The following EML6 variants were observed in gnomAD, a reference collection of about 807,000 sequenced individuals.
EML6 encodes echinoderm microtubule-associated protein-like 6.
Under a neutral mutation model 240.1 loss-of-function variants are expected in EML6, and 154 were observed. That is an observed-to-expected ratio of 0.64 (90% CI 0.56 to 0.73). The LOEUF (loss-of-function observed/expected upper bound fraction) is 0.73. EML6 is among the 30% of genes least tolerant of loss of function. The pLI is 0.00. For synonymous variants in EML6, 1,148 were observed against 899.0 expected, an observed-to-expected ratio of 1.28 and a Z score of -4.95; for missense variants, 2,964 against 2,474.6, an observed-to-expected ratio of 1.20 and a Z score of -4.20.
intron 29 of EML6, among the ~76,000 whole-genome samples, chr2:54,949,445 G>A (rs570384919): frequency 2.0e-5 from 3 of 152,278 alleles, no homozygotes; most frequent in East Asian, 3.9e-4. Context: ...CGACGAGGAC[G>A]CTGTGGCTGA....
intron 2 of EML6, among the ~76,000 whole-genome samples, chr2:54,785,229 G>A (rs922841146): frequency 6.9e-6 from 1 of 144,442 alleles, no homozygotes; most frequent in Admixed American, 7.1e-5. Flanking sequence ...AGACTGGAGT[G>A]CAGTGGCGCA....
intron 2 of EML6, among the ~76,000 whole-genome samples, chr2:54,726,907 A>C (rs1479331542): frequency 6.6e-6 from 1 of 152,174 alleles, no homozygotes; most frequent in African/African-American, 2.4e-5. Flanking sequence ...TCTGTGGTTA[A>C]ATAATATTAA....
chr2:54,805,751 A>G (rs959498781), intron 2 of EML6, among the ~76,000 whole-genome samples: 1 of 152,106 alleles, frequency 6.6e-6, no homozygotes, highest in Admixed American at 6.5e-5. Context: ...TATCTTTCAG[A>G]GGTCACAAAG....
intron 2 of EML6, among the ~76,000 whole-genome samples, chr2:54,745,848 A>G (rs1176827286): frequency 2.0e-5 from 3 of 152,192 alleles, no homozygotes; most frequent in East Asian, 1.9e-4. Context: ...AGGAGAGGAG[A>G]AGAAGCATGA....
rs577473988 is a variant in EML6 at position 54,815,647 on chromosome 2, G to T, written c.358-1140G>T. 1.6e-3 allele frequency among the ~76,000 whole-genome samples: 249 copies of T among 152,156 alleles called. 1 individual carries two copies. Among genetic ancestry groups the T allele is most frequent in the Non-Finnish European group, 3.1e-3 (208 of 68,002 alleles). Reference sequence around the variant, plus strand: ...CTTGTTTCCATTGCTGAAACCCTCAGTTAAAAAATTATAGCAAAGAAATTT... The same window carrying T: ...CTTGTTTCCATTGCTGAAACCCTCATTTAAAAAATTATAGCAAAGAAATTT... On this transcript the variant is annotated intron_variant, in intron 3 of 41. Transcript: ENST00000356458.
intron 38 of EML6, among the ~76,000 whole-genome samples, chr2:54,965,883 C>T (rs1676726671): frequency 6.6e-6 from 1 of 152,228 alleles, no homozygotes; most frequent in Non-Finnish European, 1.5e-5. Flanking sequence ...ATCTGGTCCC[C>T]AGGCAAGAAG....
At chr2:54,843,318 C>G (rs992861065) in intron 7 of EML6, among the ~76,000 whole-genome samples, 3 of 152,078 alleles carry the variant, frequency 2.0e-5, no homozygotes, top group Non-Finnish European at 2.9e-5. Context: ...GTCCCAGTTA[C>G]TTGGGAGGGT....
At chr2:54,835,868 G>A (rs1339249663) in intron 7 of EML6, among the ~76,000 whole-genome samples, 1 of 152,156 alleles carries the variant, frequency 6.6e-6, no homozygotes, top group African/African-American at 2.4e-5. Context: ...CCCAAATGTT[G>A]ATAGTGTTGT....
chr2:54,944,658 C>A (rs1558712357), intron 28 of EML6, among the ~76,000 whole-genome samples: 2 of 152,118 alleles, frequency 1.3e-5, no homozygotes, highest in Non-Finnish European at 2.9e-5. Flanking sequence ...CAAAAAGACA[C>A]AAAGCTGTGT....
At chr2:54,881,548 A>C (rs1036116831) in intron 17 of EML6, 1 of 151,038 alleles carries the variant, frequency 6.6e-6, no homozygotes. Context: ...CTAGCTACTC[A>C]GGAGGCAGGA....
intron 2 of EML6, among the ~76,000 whole-genome samples, chr2:54,736,476 C>T (rs950375082): frequency 3.9e-5 from 6 of 152,184 alleles, no homozygotes; most frequent in Middle Eastern, 3.2e-3. Context: ...TTATAAATCC[C>T]TAAGATCCTT....
intron 36 of EML6, 143 bp from the exon 37 acceptor site, chr2:54,963,843 A>T: frequency 4.3e-6 from 3 of 696,046 alleles, no homozygotes; most frequent in Middle Eastern, 4.1e-4. Flanking sequence ...TTATTCAGGG[A>T]CATTTACTCT....
intron 7 of EML6, among the ~76,000 whole-genome samples, chr2:54,840,322 A>G (rs951783915): frequency 2.0e-5 from 3 of 152,262 alleles, no homozygotes; most frequent in Non-Finnish European, 4.4e-5. Flanking sequence ...TAAAAGGACT[A>G]TGATCTGAAT....
At chr2:54,922,835 C>T (rs1674331133) in intron 26 of EML6, among the ~76,000 whole-genome samples, 1 of 150,992 alleles carries the variant, frequency 6.6e-6, no homozygotes, top group South Asian at 2.1e-4. Context: ...TACGTGGAAG[C>T]TAAAAAAGTT....
In EML6 at chr2:54,952,646, G is replaced by A. The variant is rs372578724; in HGVS notation, c.4266G>A (p.Val1422=). The change falls in exon 31 of 42, where the codon GTG becomes GTA. Residue 1422 remains valine (V), a synonymous_variant. Coordinates refer to ENST00000356458, the MANE Select transcript of EML6 (RefSeq NM_001039753.4). The part of the protein sequence containing the change: ...EHTDDILCLT[V]NQHPKYRNVV... ...CAGATGACATCCTCTGTCTCACAGT[G>A]AACCAGCACCCCAAGTACAGAAACG... 2.6e-6 allele frequency: 4 copies of A among 1,551,306 alleles called. No individual in the cohort carries two copies. The African/African-American group carries it at 5.5e-5, about 21-fold the overall frequency.
At chr2:54,844,366 G>A (rs373656531) in intron 8 of EML6, 118 bp downstream of exon 8, 10 of 776,098 alleles carry the variant, frequency 1.3e-5, no homozygotes, top group Admixed American at 5.0e-5. Context: ...CAAATGAAAC[G>A]TTAAGACATT....
intron 2 of EML6, among the ~76,000 whole-genome samples, chr2:54,773,513 A>G (rs150389739): frequency 9.2e-5 from 14 of 152,382 alleles, no homozygotes; most frequent in East Asian, 1.9e-4. Context: ...TCATTCAAGA[A>G]AGGAAGAGAC....
intron 2 of EML6, among the ~76,000 whole-genome samples, chr2:54,751,698 A>T (rs957800969): frequency 3.3e-5 from 5 of 152,186 alleles, no homozygotes; most frequent in African/African-American, 4.8e-5. Context: ...TAGACAGAAC[A>T]TGTTATTCCA....
intron 28 of EML6, among the ~76,000 whole-genome samples, chr2:54,933,630 A>T (rs1573173166): frequency 6.6e-6 from 1 of 152,070 alleles, no homozygotes. Flanking sequence ...GCTACTCGGG[A>T]GGCTGAGGCA....
Sources: allele counts gnomAD v4.1 joint callset (sites outside exome capture counted in the v4.1 genomes callset), GRCh38; gene constraint gnomAD v4.1.1; transcripts MANE v1.5; gene names NCBI Gene and HGNC (gene_info 2026-07-23, HGNC 2026-07-21).